Variants in MEOX1 observed in about 807,000 individuals in gnomAD.
MEOX1 encodes homeobox protein MOX-1.
Under a neutral mutation model 23.2 loss-of-function variants are expected in MEOX1, and 17 were observed. The observed-to-expected ratio is 0.73, with a 90% CI of 0.50 to 1.10. The LOEUF (loss-of-function observed/expected upper bound fraction) is 1.10, where lower values mean the gene tolerates loss of function less well. Ranked by LOEUF, MEOX1 falls within the 50% of genes least tolerant of loss-of-function variation. The pLI, the probability that MEOX1 is intolerant of heterozygous loss-of-function variation, is 0.00. For synonymous variants in MEOX1, 134 were observed against 135.1 expected, an observed-to-expected ratio of 0.99 and a Z score of 0.06; for missense variants, 333 against 332.2, an observed-to-expected ratio of 1.00 and a Z score of -0.02.
Position 43,642,510 on chromosome 17 carries a change from G to A in MEOX1, c.643-478C>T, listed in dbSNP as rs184414767. ...ACAGATGGAGACCCAGAGGTCCCAG[G>A]GCTAGGAAAAGTGATAGAGGCAGGA... On this transcript the variant is annotated intron_variant, in intron 2 of 2. Coordinates refer to ENST00000318579, the MANE Select transcript of MEOX1 (RefSeq NM_004527.4). 8.0e-3 allele frequency among the ~76,000 whole-genome samples: 1,216 copies of A among 152,288 alleles called. 7 individuals are homozygous for A. The highest frequency in any genetic ancestry group is 0.014 in the Middle Eastern group (4 of 294).
intron 1 of MEOX1, among the ~76,000 whole-genome samples, chr17:43,660,152 A>G (rs1451717046): frequency 6.6e-6 from 1 of 152,218 alleles, no homozygotes; most frequent in Non-Finnish European, 1.5e-5. Context: ...GGCCGGGACA[A>G]GGAACCAGAC....
chr17:43,644,146 G>A (rs1268810468), intron 1 of MEOX1, among the ~76,000 whole-genome samples: 1 of 152,196 alleles, frequency 6.6e-6, no homozygotes, highest in Non-Finnish European at 1.5e-5. Context: ...ATGGCACTCA[G>A]CAATCTATTT....
At chr17:43,642,453 G>A (rs1972714375) in intron 2 of MEOX1, among the ~76,000 whole-genome samples, 1 of 152,166 alleles carries the variant, frequency 6.6e-6, no homozygotes, top group African/African-American at 2.4e-5. Flanking sequence ...ATCTGAGCTT[G>A]AGTATTACCT....
chr17:43,655,660 TAAAAAA>T (rs57762377), intron 1 of MEOX1, among the ~76,000 whole-genome samples: 1 of 75,598 alleles, frequency 1.3e-5, no homozygotes, highest in East Asian at 4.2e-4. Flanking sequence ...CCTGTCTTTC[TAAAAAA>T]AAAAAAAAAA....
intron 1 of MEOX1, among the ~76,000 whole-genome samples, chr17:43,654,896 C>A (rs1019418984): frequency 1.3e-5 from 2 of 151,374 alleles, no homozygotes; most frequent in African/African-American, 2.4e-5. Context: ...ACTAAAAATA[C>A]AAAAAATTAG....
chr17:43,643,374 C>T (rs1055805985), intron 2 of MEOX1, 114 bp downstream of exon 2: 26 of 1,038,412 alleles, frequency 2.5e-5, no homozygotes, highest in African/African-American at 3.2e-5. Flanking sequence ...AGTTGAAAAC[C>T]GCTGGACTGG....
intron 1 of MEOX1, among the ~76,000 whole-genome samples, chr17:43,657,046 C>CTTTCTTTCTTTCT (rs1555567847): frequency 6.6e-5 from 9 of 136,302 alleles, no homozygotes; most frequent in Non-Finnish European, 1.4e-4. Context: ...TTCTTTCTTT[C>CTTTCTTTCTTTCT]TTTCTTTCTT....
At chr17:43,647,299 G>C (rs113983090) in intron 1 of MEOX1, among the ~76,000 whole-genome samples, 1 of 152,098 alleles carries the variant, frequency 6.6e-6, no homozygotes, top group South Asian at 2.1e-4. Context: ...GACCCCTACC[G>C]CGCCCCCAAC....
At chr17:43,647,876 A>C (rs541357423) in intron 1 of MEOX1, among the ~76,000 whole-genome samples, 1 of 152,152 alleles carries the variant, frequency 6.6e-6, no homozygotes, top group Non-Finnish European at 1.5e-5. Flanking sequence ...ACCTGGGGGC[A>C]ATACCTACTA....
chr17:43,640,691 C>T lies in MEOX1; in HGVS notation c.*1219G>A, dbSNP rs1972676771. ...CAGAGCGCTGAGGCAGCCAGGGCTT[C>T]AGTCCCCCATGCTCTTTGGCCATCA... On this transcript the variant is annotated 3_prime_UTR_variant, in exon 3 of 3. Transcript: ENST00000318579. The T allele has an allele frequency of 6.6e-6, 1 of 152,216 alleles. No homozygotes were observed. Among genetic ancestry groups the T allele is most frequent in the Non-Finnish European group, 1.5e-5 (1 of 68,048 alleles). The allele number at this position is 152,216 out of a possible 1,614,324, so 9.4% of individuals were successfully genotyped here.
chr17:43,661,632 G>A lies in MEOX1; in HGVS notation c.-98C>T. ...AATGCAAAAGAAAAAAAACTAAATAGGAGGGAAAAATGTTCAACAGAAAAT... is the reference window on the plus strand; with the variant it reads ...AATGCAAAAGAAAAAAAACTAAATAAGAGGGAAAAATGTTCAACAGAAAAT... On this transcript the variant is annotated 5_prime_UTR_variant, in exon 1 of 3. Transcript: ENST00000318579. 1.4e-6 allele frequency: 1 copy of A among 713,586 alleles called. No individual in the cohort carries two copies. Among genetic ancestry groups the A allele is most frequent in the Non-Finnish European group, 2.0e-6 (1 of 492,494 alleles). The allele number at this position is 713,586 out of a possible 1,614,324, so 44.2% of individuals were successfully genotyped here.
intron 1 of MEOX1, among the ~76,000 whole-genome samples, chr17:43,660,391 G>C (rs1053682005): frequency 6.6e-6 from 1 of 151,248 alleles, no homozygotes; most frequent in Non-Finnish European, 1.5e-5. Flanking sequence ...CTGCCTTCCT[G>C]GGGGGTCAGC....
chr17:43,660,978 T>C, intron 1 of MEOX1, 88 bp downstream of exon 1: 2 of 821,880 alleles, frequency 2.4e-6, no homozygotes, highest in Non-Finnish European at 3.7e-6. Flanking sequence ...CAGAAATTCA[T>C]GCTCAGAGCA....
In MEOX1 at chr17:43,661,201, C is replaced by G. The variant is rs1370943886; in HGVS notation, c.334G>C (p.Gly112Arg). Residue 112 changes from glycine (G) to arginine (R), a missense_variant, in exon 1 of 3, where the codon GGT becomes CGT. By Grantham distance (125) the Gly-to-Arg change is moderately radical. Transcript: ENST00000318579. ...CTGCTGGTCCCCATTTCCTTGGAAC[C>G]CCCTGCCGGGCCTGAGTTGGGCCTG... ...RRRPNSGPAG[G>R]SKEMGTSSLG... 2 of 1,608,040 alleles carry G rather than the reference C, an allele frequency of 1.2e-6. No individual in the cohort carries two copies. The highest frequency in any genetic ancestry group is 1.3e-5 in the African/African-American group (1 of 74,810).
chr17:43,650,251 C>T (rs555209081), intron 1 of MEOX1, among the ~76,000 whole-genome samples: 25 of 152,248 alleles, frequency 1.6e-4, no homozygotes, highest in Admixed American at 1.6e-3. Context: ...ATCAATGTCA[C>T]CTTTTCATTT....
intron 1 of MEOX1, among the ~76,000 whole-genome samples, chr17:43,649,419 G>A (rs1374415340): frequency 6.7e-6 from 1 of 149,880 alleles, no homozygotes; most frequent in Non-Finnish European, 1.5e-5. Context: ...CGATTCTCCT[G>A]CCTCAGCCTC....
At chr17:43,656,585 G>C (rs1012754166) in intron 1 of MEOX1, among the ~76,000 whole-genome samples, 1 of 152,146 alleles carries the variant, frequency 6.6e-6, no homozygotes, top group Non-Finnish European at 1.5e-5. Flanking sequence ...AGCTGAAGAA[G>C]GATGAGACAA....
intron 1 of MEOX1, among the ~76,000 whole-genome samples, chr17:43,645,172 T>TA (rs1567742635): frequency 1.2e-5 from 1 of 80,066 alleles, no homozygotes; most frequent in African/African-American, 4.5e-5. Flanking sequence ...ATTAATTATC[T>TA]TTTTTTTTTT....
chr17:43,660,193 G>A (rs954444421), intron 1 of MEOX1, among the ~76,000 whole-genome samples: 2 of 152,222 alleles, frequency 1.3e-5, no homozygotes, highest in African/African-American at 2.4e-5. Context: ...GAGCAACCAG[G>A]GAGGGCCTGG....
Sources: gnomAD v4.1 joint callset for allele counts (sites outside exome capture counted in the v4.1 genomes callset) on GRCh38, gnomAD v4.1.1 for gene constraint, MANE v1.5 for transcripts, NCBI Gene and HGNC (gene_info 2026-07-23, HGNC 2026-07-21) for gene names.